MINDY2: variants seen among roughly 807,000 people sequenced by gnomAD.
MINDY2 encodes the protein MINDY lysine 48 deubiquitinase 2.
A neutral mutation model predicts 68.2 loss-of-function variants in MINDY2; 52 were observed. That is an observed-to-expected ratio of 0.76 (90% confidence interval 0.61 to 0.96). The LOEUF is 0.96. Ranked by LOEUF, MINDY2 falls within the 40% of genes least tolerant of loss-of-function variation. The pLI, the probability that MINDY2 is intolerant of heterozygous loss-of-function variation, is 0.00. For synonymous variants in MINDY2, 372 were observed against 303.0 expected (o/e 1.23, Z -2.36); for missense variants, 881 against 773.4 (o/e 1.14, Z -1.65).
Position 58,771,950 on chromosome 15 carries a change from TC to T in MINDY2, c.558del (p.Ser187ValfsTer95). 6.4e-7 allele frequency: 1 copy of T among 1,556,404 alleles called. No homozygotes were observed. Among genetic ancestry groups the T allele is most frequent in the Non-Finnish European group, 8.7e-7 (1 of 1,152,984 alleles). On this transcript the variant is annotated frameshift_variant, in exon 1 of 9. Coordinates refer to ENST00000559228, the MANE Select transcript of MINDY2 (RefSeq NM_001040450.3). LOFTEE classifies it high-confidence loss of function. ...LESFSNLHSF[P>X]SSCEFNSEEG... The stretch of plus-strand genomic sequence containing the variant: ...AGTCGTTCTCTAACCTGCATTCTTT[TC>T]CCAGTAGCTGCGAGTTCAATAGTGA...
At chr15:58,774,842 G>A (rs777023175) in intron 1 of MINDY2, among the ~76,000 whole-genome samples, 7 of 152,200 alleles carry the variant, frequency 4.6e-5, no homozygotes, top group Non-Finnish European at 1.0e-4. Flanking sequence ...ACGAAATGGT[G>A]GTAATAGCAG....
At chr15:58,787,837 T>A (rs1901610847) in intron 1 of MINDY2, 69 bp from the exon 2 acceptor site, 1 of 1,028,970 alleles carries the variant, frequency 9.7e-7, no homozygotes. Context: ...TATTTGTGTT[T>A]CTGACTGCAA....
chr15:58,828,957 A>G (rs1595758718), intron 5 of MINDY2, among the ~76,000 whole-genome samples: 1 of 152,160 alleles, frequency 6.6e-6, no homozygotes, highest in African/African-American at 2.4e-5. Flanking sequence ...TATTATCATT[A>G]AGTTTTTTAC....
Position 58,847,303 on chromosome 15 carries a change from C to A in MINDY2, c.1375C>A (p.Leu459Met). 6.4e-7 allele frequency: 1 copy of A among 1,569,062 alleles called. No homozygotes were observed. The highest frequency in any genetic ancestry group is 8.7e-7 in the Non-Finnish European group (1 of 1,147,478). The change falls in exon 7 of 9, where the codon CTG becomes ATG. Residue 459 changes from leucine to methionine, a missense_variant. Leu to Met is a conservative substitution (Grantham distance 15). Coordinates refer to ENST00000559228, the MANE Select transcript of MINDY2 (RefSeq NM_001040450.3). ...FSTMTKYKGQ[L>M]YLLVTDQGFL... Reference sequence around the variant, plus strand: ...TTTGTTACTTCTTATTAAGGGTCAACTGTATTTGTTGGTAACGGACCAGGG... The same window carrying A: ...TTTGTTACTTCTTATTAAGGGTCAAATGTATTTGTTGGTAACGGACCAGGG...
intron 4 of MINDY2, among the ~76,000 whole-genome samples, chr15:58,814,911 G>A (rs756041973): frequency 1.1e-4 from 17 of 150,974 alleles, no homozygotes; most frequent in African/African-American, 1.9e-4. Flanking sequence ...TCAGAGTGCC[G>A]AGGTTACAAA....
intron 4 of MINDY2, among the ~76,000 whole-genome samples, chr15:58,811,532 G>A (rs1256031090): frequency 2.6e-5 from 4 of 152,210 alleles, no homozygotes; most frequent in Admixed American, 2.6e-4. Context: ...TAACTCTGAA[G>A]AGATAAGGAG....
In MINDY2 at chr15:58,849,744, A is replaced by G. The variant is rs2032721692; in HGVS notation, c.1543-2027A>G. On this transcript the variant is annotated intron_variant, in intron 7 of 8. Transcript: ENST00000559228. ...TATGACAAGATCTTTCCAGGCAACA[A>G]CCTTTTTTATTTTTTGAGACAGGGT... Among the ~76,000 whole-genome samples the G allele has an allele frequency of 4.6e-5, 7 of 152,084 alleles. 1 individual carries two copies. The South Asian group carries it at 1.5e-3, about 32-fold the overall frequency.
Position 58,771,614 on chromosome 15 carries a change from T to G in MINDY2, c.219T>G (p.Pro73=). The change falls in exon 1 of 9, where the codon CCT becomes CCG. Residue 73 remains proline, a synonymous_variant. Transcript: ENST00000559228. The stretch of plus-strand genomic sequence containing the variant: ...ACTCGGCTTCTCCCGCGGGCTCTCC[T>G]GAGGTTCCCGGACCCTGCAGCTCCT... ...LPDSASPAGS[P]EVPGPCSSSA... 6.2e-7 allele frequency: 1 copy of G among 1,612,060 alleles called. No individual in the cohort carries two copies. The highest frequency in any genetic ancestry group is 8.5e-7 in the Non-Finnish European group (1 of 1,179,794).
intron 2 of MINDY2, among the ~76,000 whole-genome samples, chr15:58,789,965 G>A (rs1034213207): frequency 1.4e-4 from 21 of 151,874 alleles, no homozygotes; most frequent in Admixed American, 1.2e-3. Context: ...TTTTTGTAGA[G>A]ATTGGGTTTC....
chr15:58,818,569 T>G (rs556589498), intron 4 of MINDY2, among the ~76,000 whole-genome samples: 1 of 152,258 alleles, frequency 6.6e-6, no homozygotes, highest in South Asian at 2.1e-4. Context: ...AGTGAAATAC[T>G]AATGTACAGA....
At chr15:58,773,209 T>C (rs1230156270) in intron 1 of MINDY2, among the ~76,000 whole-genome samples, 2 of 152,062 alleles carry the variant, frequency 1.3e-5, no homozygotes, top group East Asian at 1.9e-4. Context: ...TCAGCTACTC[T>C]GGAGGCTGAC....
intron 3 of MINDY2, among the ~76,000 whole-genome samples, chr15:58,805,945 C>T (rs985595586): frequency 3.9e-5 from 6 of 152,040 alleles, no homozygotes; most frequent in Admixed American, 1.3e-4. Flanking sequence ...CGTGGTGGCA[C>T]GTACTGTGGT....
chr15:58,800,676 T>C (rs1245879088), intron 2 of MINDY2, among the ~76,000 whole-genome samples: 1 of 151,592 alleles, frequency 6.6e-6, no homozygotes, highest in Non-Finnish European at 1.5e-5. Flanking sequence ...TTTTTTTTTT[T>C]TGAAACGATT....
intron 6 of MINDY2, among the ~76,000 whole-genome samples, chr15:58,844,559 CAAAAAAAA>C (rs34592774): frequency 1.5e-5 from 1 of 66,910 alleles, no homozygotes; most frequent in South Asian, 6.2e-4. Context: ...GACTCCGTCT[CAAAAAAAA>C]AAAAAAAAAA....
intron 3 of MINDY2, among the ~76,000 whole-genome samples, chr15:58,804,363 T>C (rs1345744489): frequency 6.6e-6 from 1 of 152,212 alleles, no homozygotes; most frequent in Non-Finnish European, 1.5e-5. Flanking sequence ...TTATATCATT[T>C]CTTACTGAAA....
rs1288742490 is a variant in MINDY2, at chr15:58,856,217, T to A, written c.*1607T>A. 2.0e-5 allele frequency: 3 copies of A among 152,632 alleles called. No homozygotes were observed. The highest frequency in any genetic ancestry group is 7.2e-5 in the African/African-American group (3 of 41,454). The allele number at this position is 152,632 out of a possible 1,614,324, so 9.5% of individuals were successfully genotyped here. On this transcript the variant is annotated 3_prime_UTR_variant, in exon 9 of 9. Transcript: ENST00000559228. ...TTTACATTCTAAGCTTCAGTACATT[T>A]ATTTAAGAGCATCATAATCTGACCT...
rs1595797533 is a variant in MINDY2 at position 58,861,839 on chromosome 15, C to A, written c.*7229C>A. 1 of 152,104 alleles carries A rather than the reference C, an allele frequency of 6.6e-6. No homozygotes were observed. The highest frequency in any genetic ancestry group is 1.5e-5 in the Non-Finnish European group (1 of 68,022). The allele number at this position is 152,104 out of a possible 1,614,324, so 9.4% of individuals were successfully genotyped here. A position where few individuals can be genotyped will look rare whatever the true frequency, so the allele number is the denominator to read the frequency against. ...TTAAAACTGTAACCAGTGAATAACA[C>A]CTGTAGTATTTTTTATTATAGATTA... On this transcript the variant is annotated 3_prime_UTR_variant, in exon 9 of 9. Coordinates refer to ENST00000559228, the MANE Select transcript of MINDY2 (RefSeq NM_001040450.3).
intron 1 of MINDY2, among the ~76,000 whole-genome samples, chr15:58,775,258 A>G (rs182584750): frequency 6.6e-6 from 1 of 152,308 alleles, no homozygotes; most frequent in East Asian, 1.9e-4. Flanking sequence ...ATAGATAGAT[A>G]TCCACATAGA....
intron 6 of MINDY2, among the ~76,000 whole-genome samples, chr15:58,835,240 TAAG>T (rs1213252744): frequency 1.3e-5 from 2 of 152,212 alleles, no homozygotes; most frequent in Non-Finnish European, 2.9e-5. Flanking sequence ...TACAGTTTGT[TAAG>T]GATACATATC....
Sources: gnomAD v4.1 joint callset for allele counts (sites outside exome capture counted in the v4.1 genomes callset) on GRCh38, gnomAD v4.1.1 for gene constraint, MANE v1.5 for transcripts, NCBI Gene and HGNC (gene_info 2026-07-23, HGNC 2026-07-21) for gene names.